Variants in PCED1B observed in about 807,000 individuals in gnomAD.
The protein encoded by PCED1B is PC-esterase domain-containing protein 1B.
For synonymous variants in PCED1B, 251 were observed against 246.1 expected, an observed-to-expected ratio of 1.02 and a Z score of -0.19; for missense variants, 573 against 573.9, an observed-to-expected ratio of 1.00 and a Z score of 0.02.
chr12:47,105,971 T>G (rs766064137), intron 2 of PCED1B, among the ~76,000 whole-genome samples: 3 of 152,228 alleles, frequency 2.0e-5, no homozygotes, highest in Non-Finnish European at 2.9e-5. Context: ...TTGTACAATT[T>G]TTAATTAAAA....
chr12:47,089,035 G>T (rs990299475), intron 1 of PCED1B, among the ~76,000 whole-genome samples: 1 of 152,052 alleles, frequency 6.6e-6, no homozygotes, highest in Admixed American at 6.6e-5. Context: ...TAGGCAATAG[G>T]GTCTTCAGAC....
intron 2 of PCED1B, among the ~76,000 whole-genome samples, chr12:47,214,725 T>C (rs1429183355): frequency 6.6e-6 from 1 of 152,194 alleles, no homozygotes; most frequent in Non-Finnish European, 1.5e-5. Flanking sequence ...ATAAAAGTTG[T>C]CTGAGAGCAG....
At chr12:47,090,043 G>T (rs1386241918) in intron 1 of PCED1B, among the ~76,000 whole-genome samples, 1 of 152,176 alleles carries the variant, frequency 6.6e-6, no homozygotes, top group East Asian at 1.9e-4. Context: ...AAAGTGCTGG[G>T]ATTACAGGCG....
chr12:47,165,522 A>T (rs961489121), intron 2 of PCED1B, among the ~76,000 whole-genome samples: 1 of 152,210 alleles, frequency 6.6e-6, no homozygotes, highest in Non-Finnish European at 1.5e-5. Context: ...ATTTATTGTC[A>T]GTTGTTTTAA....
intron 2 of PCED1B, among the ~76,000 whole-genome samples, chr12:47,177,718 C>A (rs946431824): frequency 6.6e-6 from 1 of 152,044 alleles, no homozygotes; most frequent in Non-Finnish European, 1.5e-5. Flanking sequence ...CTTTGGGAGG[C>A]CAAGGTGGGC....
chr12:47,098,596 C>G (rs559846605), intron 1 of PCED1B, among the ~76,000 whole-genome samples: 1 of 152,320 alleles, frequency 6.6e-6, no homozygotes, highest in South Asian at 2.1e-4. Flanking sequence ...CATTCTCCTG[C>G]CTCAGCATCC....
chr12:47,133,505 C>T (rs545909436), intron 2 of PCED1B, among the ~76,000 whole-genome samples: 5 of 152,170 alleles, frequency 3.3e-5, no homozygotes, highest in South Asian at 4.2e-4. Context: ...ACATCATGCC[C>T]GTGAGACTTG....
rs1565607975 is a variant in PCED1B, at chr12:47,217,480, G to A, written c.-58+791G>A. 5.1e-4 allele frequency among the ~76,000 whole-genome samples: 56 copies of A among 109,802 alleles called. 2 individuals are homozygous for A. The highest frequency in any genetic ancestry group is 2.6e-3 in the African/African-American group (56 of 21,474). The allele number at this position is 109,802 out of a possible 152,430, so 72.0% of individuals were successfully genotyped here. On this transcript the variant is annotated intron_variant, in intron 3 of 3. Transcript: ENST00000546455. ...AGAAAAAGAAAGAAAGAGAAAGAAA[G>A]AAAGAAAGAAAGAAAGAAAGAAAGA...
At chr12:47,229,114 G>A (rs1473218733) in intron 3 of PCED1B, among the ~76,000 whole-genome samples, 3 of 151,624 alleles carry the variant, frequency 2.0e-5, no homozygotes, top group Non-Finnish European at 4.4e-5. Context: ...CAAAATGCTT[G>A]GAATAAAAAG....
intron 2 of PCED1B, among the ~76,000 whole-genome samples, chr12:47,170,997 T>G (rs980775209): frequency 6.6e-6 from 1 of 152,096 alleles, no homozygotes; most frequent in Admixed American, 6.5e-5. Context: ...CACTCTTTTT[T>G]TCACTGTTCC....
At chr12:47,100,927 G>A (rs2137217300) in intron 1 of PCED1B, among the ~76,000 whole-genome samples, 1 of 152,036 alleles carries the variant, frequency 6.6e-6, no homozygotes, top group East Asian at 1.9e-4. Flanking sequence ...AAATTAGCCG[G>A]GCATGGTGAT....
chr12:47,226,928 G>C (rs945351175), intron 3 of PCED1B, among the ~76,000 whole-genome samples: 5 of 151,818 alleles, frequency 3.3e-5, no homozygotes, highest in Non-Finnish European at 7.4e-5. Flanking sequence ...TTTTAAATTA[G>C]AGAAGGTTTA....
At chr12:47,158,668 A>G (rs1941273245) in intron 2 of PCED1B, among the ~76,000 whole-genome samples, 2 of 152,142 alleles carry the variant, frequency 1.3e-5, no homozygotes, top group South Asian at 2.1e-4. Context: ...ATTGGTACAT[A>G]TTTATGAGGT....
intron 1 of PCED1B, among the ~76,000 whole-genome samples, chr12:47,080,261 T>C (rs1304230151): frequency 6.6e-6 from 1 of 151,954 alleles, no homozygotes; most frequent in African/African-American, 2.4e-5. Flanking sequence ...CCAGGAAGGC[T>C]AAAGGGGACA....
intron 2 of PCED1B, among the ~76,000 whole-genome samples, chr12:47,184,225 G>A (rs926533202): frequency 5.9e-5 from 9 of 152,268 alleles, no homozygotes; most frequent in African/African-American, 1.9e-4. Context: ...TCAATCCCAT[G>A]TGTGTTTTAG....
chr12:47,187,076 C>G (rs1565590239), intron 2 of PCED1B, among the ~76,000 whole-genome samples: 1 of 152,154 alleles, frequency 6.6e-6, no homozygotes, highest in African/African-American at 2.4e-5. Context: ...TAGTGCCTAT[C>G]ACACTTGAAG....
At chr12:47,123,766 T>C (rs1473532884) in intron 2 of PCED1B, among the ~76,000 whole-genome samples, 1 of 152,044 alleles carries the variant, frequency 6.6e-6, no homozygotes, top group Non-Finnish European at 1.5e-5. Flanking sequence ...TATTATACTT[T>C]CATTTTACAA....
intron 2 of PCED1B, among the ~76,000 whole-genome samples, chr12:47,196,860 T>C (rs1942617694): frequency 6.6e-6 from 1 of 151,736 alleles, no homozygotes; most frequent in Non-Finnish European, 1.5e-5. Context: ...AAACTTTATA[T>C]ATGAAAAAAT....
At chr12:47,142,024 G>A (rs1169179670) in intron 2 of PCED1B, among the ~76,000 whole-genome samples, 1 of 152,064 alleles carries the variant, frequency 6.6e-6, no homozygotes, top group Non-Finnish European at 1.5e-5. Flanking sequence ...GGGAACCCTT[G>A]CAGAGACCCT....
Sources: gnomAD v4.1 joint callset for allele counts (sites outside exome capture counted in the v4.1 genomes callset) on GRCh38, gnomAD v4.1.1 for gene constraint, MANE v1.5 for transcripts, NCBI Gene and HGNC (gene_info 2026-07-23, HGNC 2026-07-21) for gene names.